LONP1: variants seen among roughly 807,000 people sequenced by gnomAD.
The protein encoded by LONP1 is lon peptidase 1, mitochondrial.
Under a neutral mutation model 98.5 loss-of-function variants are expected in LONP1, and 31 were observed. That is an observed-to-expected ratio of 0.31 (90% CI 0.24 to 0.42). The LOEUF is 0.42. Ranked by LOEUF, LONP1 falls within the 20% of genes least tolerant of loss-of-function variation. The pLI is 1.00. For missense variants in LONP1, 1,336 were observed against 1,350.6 expected (o/e 0.99, Z 0.17); for synonymous variants, 781 against 594.7 (o/e 1.31, Z -4.56).
intron 7 of LONP1, among the ~76,000 whole-genome samples, chr19:5,706,337 G>A (rs374295007): frequency 3.5e-4 from 53 of 152,286 alleles, no homozygotes; most frequent in African/African-American, 8.7e-4. Context: ...GGCCAGGCGC[G>A]GTGGCTCACG....
At position 5,709,887 on chromosome 19, in the gene LONP1, G is replaced by A. The variant is rs1366195509; in HGVS notation, c.871-1484C>T. Among the ~76,000 whole-genome samples the A allele has an allele frequency of 5.8e-4, 79 of 135,262 alleles. 1 individual carries two copies. Among genetic ancestry groups the A allele is most frequent in the African/African-American group, 2.1e-3 (74 of 35,004 alleles). 88.7% of individuals were successfully genotyped at this position (135,262 alleles called of 152,430 possible). The stretch of plus-strand genomic sequence containing the variant: ...AGATCACGCCACTGCACTCCAGCCT[G>A]GGCGACAGAGGCTCCATCTCAAAAA... On this transcript the variant is annotated intron_variant, in intron 4 of 17. Coordinates refer to ENST00000360614, the MANE Select transcript of LONP1 (RefSeq NM_004793.4).
At chr19:5,692,442 C>A (rs2054843407) in intron 17 of LONP1, among the ~76,000 whole-genome samples, 2 of 152,150 alleles carry the variant, frequency 1.3e-5, no homozygotes, top group African/African-American at 4.8e-5. Flanking sequence ...GCCTCCCCAC[C>A]CCCTTATCTA....
At position 5,692,838 on chromosome 19, in the gene LONP1, C is replaced by CACG. The variant is rs1304730506; in HGVS notation, c.2703+459_2703+460insCGT. On this transcript the variant is annotated intron_variant, in intron 17 of 17. Coordinates refer to ENST00000360614, the MANE Select transcript of LONP1 (RefSeq NM_004793.4). Reference sequence around the variant, plus strand: ...GGTGGCATCTCCTGACTGACTGCACCAGGCTTCCTAGACACATGGCAAGTG... The same window carrying CACG: ...GGTGGCATCTCCTGACTGACTGCACCACGAGGCTTCCTAGACACATGGCAAGTG... Among the ~76,000 whole-genome samples the CACG allele has an allele frequency of 7.2e-5, 11 of 152,270 alleles. No individual in the cohort carries two copies. The East Asian group carries it at 1.5e-3, about 21-fold the overall frequency.
At chr19:5,711,750 C>A in intron 4 of LONP1, 21 bp downstream of exon 4, 1 of 1,589,070 alleles carries the variant, frequency 6.3e-7, no homozygotes, top group South Asian at 1.1e-5. Flanking sequence ...TGTGGCCGCC[C>A]TGCGTGACGC....
At chr19:5,717,499 C>G (rs78191416) in intron 1 of LONP1, 2 of 152,224 alleles carry the variant, frequency 1.3e-5, no homozygotes, top group Non-Finnish European at 2.9e-5. Context: ...CCACGTGGGC[C>G]GTCTGAACTC....
chr19:5,696,260 C>T lies in LONP1; in HGVS notation c.1885G>A (p.Asp629Asn). 1 of 1,613,304 alleles carries T rather than the reference C, an allele frequency of 6.2e-7. No individual in the cohort carries two copies. The highest frequency in any genetic ancestry group is 8.5e-7 in the Non-Finnish European group (1 of 1,179,872). ...GACAGGCCCCCCACCTTGGACAAGT[C>T]CACGGGCACGTCCAGGTAGTGGTCC... ...FLDHYLDVPV[D>N]LSKVLFICTA... The change falls in exon 12 of 18, where the codon GAC becomes AAC. Residue 629 changes from aspartate (D) to asparagine (N), a missense_variant. By Grantham distance (23) the Asp-to-Asn change is conservative (BLOSUM62 1). Coordinates refer to ENST00000360614, the MANE Select transcript of LONP1 (RefSeq NM_004793.4).
chr19:5,694,751 G>A lies in LONP1; in HGVS notation c.2154+10C>T, dbSNP rs1268115076. 2 of 1,585,598 alleles carry A rather than the reference G, an allele frequency of 1.3e-6. No individual in the cohort carries two copies. The highest frequency in any genetic ancestry group is 4.5e-5 in the East Asian group (2 of 44,046). ...GCGGCAGGTGCCAGGAGGGCGGGCT[G>A]GCCGCTCACCTTCTCCACTTGCTTC... On this transcript the variant is annotated intron_variant, in intron 14 of 17. Coordinates refer to ENST00000360614, the MANE Select transcript of LONP1 (RefSeq NM_004793.4).
chr19:5,694,995 G>C (rs1033889998), intron 13 of LONP1, 94 bp from the exon 14 acceptor site: 4 of 1,420,120 alleles, frequency 2.8e-6, no homozygotes, highest in Middle Eastern at 2.6e-4. Context: ...ATGGCCCCCA[G>C]ACCCTGGCCT....
At chr19:5,704,625 A>C (rs892054667) in intron 8 of LONP1, among the ~76,000 whole-genome samples, 6 of 152,176 alleles carry the variant, frequency 3.9e-5, no homozygotes, top group African/African-American at 1.4e-4. Context: ...GCTGCATGGG[A>C]AGTGGCCAGG....
intron 7 of LONP1, among the ~76,000 whole-genome samples, chr19:5,706,760 T>C (rs2055152178): frequency 6.6e-6 from 1 of 152,198 alleles, no homozygotes; most frequent in South Asian, 2.1e-4. Context: ...TTTCCAACAC[T>C]GTCCCCAAGA....
intron 4 of LONP1, 95 bp from the exon 5 acceptor site, chr19:5,708,498 C>T (rs149327515): frequency 2.0e-6 from 2 of 1,013,252 alleles, no homozygotes; most frequent in Non-Finnish European, 1.5e-6. Context: ...CACCCACCAG[C>T]TCCATCAACT....
chr19:5,711,957 C>G lies in LONP1; in HGVS notation c.684G>C (p.Glu228Asp), dbSNP rs1198967049. 11 of 1,613,374 alleles carry G rather than the reference C, an allele frequency of 6.8e-6. 2 individuals carry two copies. In the African/African-American group the frequency reaches 8.0e-5, roughly 12 times the overall value. Residue 228 changes from glutamate (E) to aspartate (D), a missense_variant, in exon 4 of 18, where the codon GAG (glutamate) becomes GAC (aspartate). By Grantham distance (45) the Glu-to-Asp change is conservative (BLOSUM62 2). This residue lies in a region of LONP1 where 457 missense variants were observed against 403.1 expected (regional missense o/e 1.13). Coordinates refer to ENST00000360614, the MANE Select transcript of LONP1 (RefSeq NM_004793.4). ...RQLEVEPEEP[E>D]AENKHKPRRK... ...TGCGGGGCTTGTGCTTGTTCTCCGCCTCCGGCTCCTCGGGCTCCACCTCCA... is the reference window on the plus strand; with the variant it reads ...TGCGGGGCTTGTGCTTGTTCTCCGCGTCCGGCTCCTCGGGCTCCACCTCCA...
At chr19:5,695,656 G>A (rs988633490) in intron 13 of LONP1, among the ~76,000 whole-genome samples, 1 of 152,092 alleles carries the variant, frequency 6.6e-6, no homozygotes, top group African/African-American at 2.4e-5. Flanking sequence ...ATGGGCCCCT[G>A]CATGCTCCTC....
intron 1 of LONP1, among the ~76,000 whole-genome samples, chr19:5,716,337 C>T (rs571789741): frequency 1.0e-4 from 13 of 129,068 alleles, no homozygotes; most frequent in African/African-American, 3.5e-4. Flanking sequence ...ACCAGGATGA[C>T]CTGAAGGACT....
chr19:5,697,706 T>C (rs115323632), intron 10 of LONP1, among the ~76,000 whole-genome samples: 1 of 151,840 alleles, frequency 6.6e-6, no homozygotes, highest in Non-Finnish European at 1.5e-5. Flanking sequence ...AGGAGGGTTT[T>C]GCTGCTGTTA....
At chr19:5,707,854 G>A (rs984954393) in intron 5 of LONP1, 28 bp from the exon 6 acceptor site, 2 of 1,610,856 alleles carry the variant, frequency 1.2e-6, no homozygotes, top group Non-Finnish European at 1.7e-6. Context: ...CTGCCTCGGT[G>A]GCCAGGGCCT....
At chr19:5,720,363 G>T (rs2145647399), upstream of LONP1, 1 of 661,936 alleles carries the variant, frequency 1.5e-6, no homozygotes, top group Non-Finnish European at 2.4e-6. Flanking sequence ...CACGTGGAAG[G>T]CTGTGAGCAG....
At chr19:5,707,667 TG>T in intron 6 of LONP1, 29 bp downstream of exon 6, 1 of 1,591,820 alleles carries the variant, frequency 6.3e-7, no homozygotes, top group Non-Finnish European at 8.6e-7. Context: ...CAGCCAGGCG[TG>T]GGGGGCTGTG....
Position 5,692,064 on chromosome 19 carries a change from C to A in LONP1, c.2848G>T (p.Glu950Ter). Reference sequence around the variant, plus strand: ...TCCACGGCCAGCGCCTCTGCCTGCTCGTCCGGGAAGGCGATGTCGAAGATC... The same window carrying A: ...TCCACGGCCAGCGCCTCTGCCTGCTAGTCCGGGAAGGCGATGTCGAAGATC... ...REIFDIAFPD[E>*]QAEALAVER The change falls in exon 18 of 18, where the codon GAG becomes TAG. Residue 950 changes from glutamate (E) to a stop codon, truncating the protein, a stop_gained. Coordinates refer to ENST00000360614, the MANE Select transcript of LONP1 (RefSeq NM_004793.4). LOFTEE classifies it high-confidence loss of function. 1 of 1,613,894 alleles carries A rather than the reference C, an allele frequency of 6.2e-7. No individual in the cohort carries two copies. The highest frequency in any genetic ancestry group is 8.5e-7 in the Non-Finnish European group (1 of 1,179,874).
Sources: gnomAD v4.1 joint callset for allele counts (sites outside exome capture counted in the v4.1 genomes callset) on GRCh38, gnomAD v4.1.1 for gene constraint, gnomAD v4.1.1 regional missense constraint, MANE v1.5 for transcripts, NCBI Gene and HGNC (gene_info 2026-07-23, HGNC 2026-07-21) for gene names.